The following C12orf50 variants were observed in gnomAD, a reference collection of about 807,000 sequenced individuals.
C12orf50 encodes the protein zinc finger CCCH-type containing 11D.
C12orf50 carries 35 observed loss-of-function variants against 61.6 expected under a neutral mutation model. The ratio of observed to expected loss-of-function variants is 0.57; its 90% confidence interval spans 0.43 to 0.75. C12orf50 has a LOEUF of 0.75. Ranked by LOEUF, C12orf50 falls within the 30% of genes least tolerant of loss-of-function variation. The pLI, the probability that C12orf50 is intolerant of heterozygous loss-of-function variation, is 0.00. For missense variants in C12orf50, 475 were observed against 488.5 expected, an observed-to-expected ratio of 0.97 and a Z score of 0.26; for synonymous variants, 178 against 161.5, an observed-to-expected ratio of 1.10 and a Z score of -0.77.
chr12:88,028,319 A>G (rs2032780836), intron 1 of C12orf50, among the ~76,000 whole-genome samples: 1 of 152,142 alleles, frequency 6.6e-6, no homozygotes, highest in Non-Finnish European at 1.5e-5. Flanking sequence ...GTGGTCAGAG[A>G]GGTTGACTCC....
chr12:87,990,832 G>T (rs2031086184), intron 7 of C12orf50, among the ~76,000 whole-genome samples: 1 of 151,542 alleles, frequency 6.6e-6, no homozygotes, highest in African/African-American at 2.4e-5. Context: ...CTCTGAAATA[G>T]GCATAAAACT....
chr12:88,016,004 A>C (rs974592771), intron 3 of C12orf50, among the ~76,000 whole-genome samples: 5 of 152,172 alleles, frequency 3.3e-5, no homozygotes, highest in African/African-American at 1.2e-4. Context: ...CAAATCATCT[A>C]ATAGGAAATT....
At chr12:87,997,858 C>G (rs577710736) in intron 4 of C12orf50, among the ~76,000 whole-genome samples, 177 bp downstream of exon 4, 97 of 152,170 alleles carry the variant, frequency 6.4e-4, no homozygotes, top group African/African-American at 2.3e-3. Context: ...TCCAAAAGAT[C>G]ATAAATATGT....
chr12:88,024,442 A>G (rs1008656572), intron 3 of C12orf50, among the ~76,000 whole-genome samples: 3 of 152,216 alleles, frequency 2.0e-5, no homozygotes, highest in African/African-American at 4.8e-5. Context: ...GGATTACTAC[A>G]CGCCATAAAA....
At chr12:88,002,529 C>G (rs1031510796) in intron 3 of C12orf50, among the ~76,000 whole-genome samples, 1 of 151,454 alleles carries the variant, frequency 6.6e-6, no homozygotes, top group Non-Finnish European at 1.5e-5. Flanking sequence ...CTTTTATTTT[C>G]TTGTTTATAA....
At chr12:87,982,746 C>T (rs2030556432) in intron 12 of C12orf50, among the ~76,000 whole-genome samples, 2 of 150,970 alleles carry the variant, frequency 1.3e-5, no homozygotes, top group South Asian at 4.2e-4. Context: ...TATAGTAAAG[C>T]TTTAATGTCT....
intron 3 of C12orf50, among the ~76,000 whole-genome samples, chr12:87,998,707 C>A (rs1592660770): frequency 6.6e-6 from 1 of 152,014 alleles, no homozygotes. Context: ...TACTACAAAA[C>A]TAAAGTAATC....
chr12:88,026,657 A>G lies in C12orf50; in HGVS notation c.13-49T>C, dbSNP rs183746004. ...AATGTAATGATTAGATGCCATATTT[A>G]CAACAAATACAATGTGCTACAATAC... On this transcript the variant is annotated intron_variant, in intron 2 of 12. Coordinates refer to ENST00000298699, the MANE Select transcript of C12orf50 (RefSeq NM_152589.3). 1,220 of 1,595,562 alleles carry G rather than the reference A, an allele frequency of 7.6e-4. 12 individuals carry two copies. The highest frequency in any genetic ancestry group is 3.7e-5 in the Non-Finnish European group (43 of 1,171,094).
rs540358445 is a variant in C12orf50, at chr12:88,026,627, G to C, written c.13-19C>G. On this transcript the variant is annotated intron_variant, in intron 2 of 12. Transcript: ENST00000298699. Reference sequence around the variant, plus strand: ...AGTTTTGCTAGATAAAAGGAGATTGGGGGAAATGTAATGATTAGATGCCAT... The same window carrying C: ...AGTTTTGCTAGATAAAAGGAGATTGCGGGAAATGTAATGATTAGATGCCAT... 8.7e-6 allele frequency: 14 copies of C among 1,610,768 alleles called. No individual in the cohort carries two copies. In the South Asian group the frequency reaches 1.5e-4, roughly 18 times the overall value.
At chr12:88,008,292 A>C (rs1303168174) in intron 3 of C12orf50, among the ~76,000 whole-genome samples, 1 of 152,034 alleles carries the variant, frequency 6.6e-6, no homozygotes, top group East Asian at 1.9e-4. Context: ...TTTAGCTCCC[A>C]TTTGTAAGTC....
intron 3 of C12orf50, among the ~76,000 whole-genome samples, chr12:88,007,348 C>T (rs573581695): frequency 1.8e-4 from 25 of 142,118 alleles, no homozygotes; most frequent in Non-Finnish European, 2.4e-4. Flanking sequence ...ACAACCTGCT[C>T]GTTCTGAATA....
Position 87,983,157 on chromosome 12 carries a change from G to T in C12orf50, c.1165C>A (p.Arg389=), listed in dbSNP as rs146623464. The change falls in exon 12 of 13, where the codon CGA becomes AGA. Residue 389 remains arginine, a synonymous_variant. Transcript: ENST00000298699. ...TSTSYNDSAW[R]KRIPFSKTYS... is the part of the protein sequence containing the mutation. ...GTTTTTGAAAAAGGAATTCGTTTTC[G>T]CCAGGCTGAATCATTATATGATGTT... The T allele has an allele frequency of 1.7e-5, 28 of 1,602,804 alleles. No individual in the cohort carries two copies. In the African/African-American group the frequency reaches 3.0e-4, roughly 17 times the overall value.
intron 12 of C12orf50, 138 bp from the exon 13 acceptor site, chr12:87,980,494 C>A: frequency 1.3e-6 from 1 of 745,400 alleles, no homozygotes; most frequent in Admixed American, 2.7e-5. Context: ...TATAAATTTT[C>A]AAAATGCCAT....
intron 11 of C12orf50, chr12:87,984,962 C>T (rs562620586): frequency 1.3e-5 from 2 of 152,062 alleles, no homozygotes; most frequent in South Asian, 2.1e-4. Flanking sequence ...TTTACAAATA[C>T]ACATCCATAT....
At chr12:88,017,035 A>G (rs1368146156) in intron 3 of C12orf50, among the ~76,000 whole-genome samples, 1 of 152,190 alleles carries the variant, frequency 6.6e-6, no homozygotes, top group Admixed American at 6.5e-5. Context: ...TTTTGCACAA[A>G]GCCCCTAAAG....
chr12:87,992,516 A>C (rs561170484), intron 7 of C12orf50, among the ~76,000 whole-genome samples: 5 of 152,284 alleles, frequency 3.3e-5, no homozygotes, highest in South Asian at 2.1e-4. Context: ...TATGTGGTAT[A>C]TATCTATCTA....
chr12:88,005,474 T>G (rs986500935), intron 3 of C12orf50, among the ~76,000 whole-genome samples: 1 of 152,198 alleles, frequency 6.6e-6, no homozygotes, highest in Non-Finnish European at 1.5e-5. Flanking sequence ...TTCCATTCAT[T>G]GCTGGTGTAA....
At chr12:87,986,285 G>T in intron 10 of C12orf50, 27 bp downstream of exon 10, 1 of 1,458,210 alleles carries the variant, frequency 6.9e-7, no homozygotes. Context: ...TTACAATTTA[G>T]AAATATCAAA....
chr12:88,025,634 G>A (rs942874738), intron 3 of C12orf50, among the ~76,000 whole-genome samples: 2 of 152,180 alleles, frequency 1.3e-5, no homozygotes, highest in South Asian at 4.1e-4. Context: ...AGCTACTCAG[G>A]AGGCTGAGGC....
Sources: allele counts gnomAD v4.1 joint callset (sites outside exome capture counted in the v4.1 genomes callset), GRCh38; gene constraint gnomAD v4.1.1; transcripts MANE v1.5; gene names NCBI Gene and HGNC (gene_info 2026-07-23, HGNC 2026-07-21).